SOX5: variants seen among roughly 807,000 people sequenced by gnomAD.
SOX5 encodes SRY-box transcription factor 5.
In SOX5, 9 loss-of-function variants were observed where a neutral mutation model predicts 92.0. The ratio of observed to expected loss-of-function variants is 0.10; its 90% CI spans 0.06 to 0.17. The LOEUF (loss-of-function observed/expected upper bound fraction) is 0.17, where lower values mean the gene tolerates loss of function less well. Ranked by LOEUF, SOX5 falls within the 10% of genes least tolerant of loss-of-function variation. The pLI is 1.00. For synonymous variants in SOX5, 344 were observed against 336.3 expected (o/e 1.02, Z -0.25); for missense variants, 642 against 944.5 (o/e 0.68, Z 4.20).
chr12:24,176,557 G>A (rs1313118530), intron 4 of SOX5, among the ~76,000 whole-genome samples: 1 of 152,174 alleles, frequency 6.6e-6, no homozygotes, highest in Admixed American at 6.5e-5. Context: ...CCGCTACAAT[G>A]AGCAAATTGC....
At chr12:24,325,608 A>G (rs1950605210) in intron 2 of SOX5, among the ~76,000 whole-genome samples, 1 of 152,206 alleles carries the variant, frequency 6.6e-6, no homozygotes, top group Admixed American at 6.5e-5. Context: ...AACAGTAAAG[A>G]ATAACTTTAT....
At chr12:23,846,571 G>A (rs2096577661) in intron 2 of SOX5, among the ~76,000 whole-genome samples, 1 of 152,122 alleles carries the variant, frequency 6.6e-6, no homozygotes, top group African/African-American at 2.4e-5. Flanking sequence ...TTGTTTGAGA[G>A]CCTCAGATTT....
At chr12:24,355,891 G>A (rs1249022894) in intron 2 of SOX5, among the ~76,000 whole-genome samples, 1 of 152,080 alleles carries the variant, frequency 6.6e-6, no homozygotes, top group Non-Finnish European at 1.5e-5. Flanking sequence ...TAGAAATTTA[G>A]AATAGTTTAG....
intron 1 of SOX5, among the ~76,000 whole-genome samples, chr12:24,432,610 G>A (rs111323807): frequency 0.014 from 2,125 of 152,148 alleles, 17 homozygotes; most frequent in Non-Finnish European, 0.023. Flanking sequence ...TCAGGAGATC[G>A]AGACCATCCT....
At position 24,188,987 on chromosome 12, in the gene SOX5, G is replaced by A. The variant is rs144102795; in HGVS notation, c.-2+24356C>T. ...CATTACCTTCAGTGATCATGTCCAA[G>A]ATATATTCCACCAGAAAACACTACC... On this transcript the variant is annotated intron_variant, in intron 4 of 4. Coordinates refer to the SOX5 transcript ENST00000446891. 9.2e-5 allele frequency among the ~76,000 whole-genome samples: 14 copies of A among 152,272 alleles called. No homozygotes were observed. In the East Asian group the frequency reaches 2.1e-3, roughly 23 times the overall value.
intron 1 of SOX5, among the ~76,000 whole-genome samples, chr12:24,377,865 C>T (rs935248447): frequency 3.9e-5 from 6 of 152,136 alleles, no homozygotes; most frequent in African/African-American, 1.2e-4. Flanking sequence ...TTCATTATTA[C>T]CACAATAGCA....
intron 4 of SOX5, among the ~76,000 whole-genome samples, chr12:24,152,126 C>A (rs1460249739): frequency 1.3e-5 from 2 of 152,100 alleles, no homozygotes; most frequent in African/African-American, 2.4e-5. Context: ...TATCTCAAAT[C>A]TTTATGAAAT....
At chr12:23,687,757 T>C (rs146377960) in intron 6 of SOX5, among the ~76,000 whole-genome samples, 5 of 152,128 alleles carry the variant, frequency 3.3e-5, no homozygotes, top group African/African-American at 1.2e-4. Flanking sequence ...CAATCTATAA[T>C]AATTGAAAAA....
At chr12:24,307,517 G>GTTAGTTT (rs1595425741) in intron 2 of SOX5, among the ~76,000 whole-genome samples, 4 of 27,502 alleles carry the variant, frequency 1.5e-4, no homozygotes, top group African/African-American at 2.6e-4. Context: ...AAGGAAGGAA[G>GTTAGTTT]GCCGGCCCCC....
At chr12:24,241,953 A>AAAAAAT (rs1965638176) in intron 3 of SOX5, among the ~76,000 whole-genome samples, 2 of 152,182 alleles carry the variant, frequency 1.3e-5, no homozygotes, top group Non-Finnish European at 2.9e-5. Flanking sequence ...TTAGAAACTA[A>AAAAAAT]AAAAATAAAA....
chr12:23,904,095 T>C (rs543843930), intron 1 of SOX5, among the ~76,000 whole-genome samples: 6 of 152,352 alleles, frequency 3.9e-5, no homozygotes, highest in Admixed American at 2.6e-4. Flanking sequence ...TTTGAACATC[T>C]TTATTTTTCT....
At chr12:23,612,037 T>C (rs77951337) in intron 8 of SOX5, among the ~76,000 whole-genome samples, 6,175 of 152,186 alleles carry the variant, frequency 0.041, 295 homozygotes, top group South Asian at 0.18. Context: ...ACTGTTATTA[T>C]CTGAATGGAG....
intron 8 of SOX5, among the ~76,000 whole-genome samples, chr12:23,633,488 G>C (rs1004331046): frequency 2.0e-5 from 3 of 152,066 alleles, no homozygotes; most frequent in African/African-American, 7.2e-5. Flanking sequence ...AATGAACATA[G>C]ATAAGTAAGC....
intron 3 of SOX5, among the ~76,000 whole-genome samples, chr12:23,831,514 A>G (rs111592523): frequency 0.011 from 1,629 of 152,194 alleles, 36 homozygotes; most frequent in African/African-American, 0.037. Flanking sequence ...ACAACGGTCT[A>G]TAGTCTATAG....
intron 4 of SOX5, among the ~76,000 whole-genome samples, chr12:23,993,912 T>TATGCATGC (rs1209945179): frequency 3.4e-5 from 5 of 148,338 alleles, no homozygotes; most frequent in African/African-American, 9.9e-5. Flanking sequence ...TGTATGTATG[T>TATGCATGC]ATGCATGTAT....
chr12:23,546,011 G>A (rs993116672), intron 12 of SOX5, among the ~76,000 whole-genome samples: 17 of 152,066 alleles, frequency 1.1e-4, no homozygotes, highest in Non-Finnish European at 2.1e-4. Context: ...ATGCCATCTC[G>A]AATTTAATTC....
At chr12:23,683,311 T>C (rs2086936842) in intron 6 of SOX5, among the ~76,000 whole-genome samples, 1 of 151,866 alleles carries the variant, frequency 6.6e-6, no homozygotes, top group Non-Finnish European at 1.5e-5. Flanking sequence ...GTACATTCCA[T>C]TTTATATTTT....
chr12:23,960,309 C>T (rs1569273358), intron 4 of SOX5, among the ~76,000 whole-genome samples: 1 of 151,900 alleles, frequency 6.6e-6, no homozygotes, highest in Admixed American at 6.6e-5. Flanking sequence ...AAGTGGCACT[C>T]TTATATATTA....
At chr12:23,541,915 A>T (rs1275624423) in intron 13 of SOX5, among the ~76,000 whole-genome samples, 2 of 152,192 alleles carry the variant, frequency 1.3e-5, no homozygotes, top group African/African-American at 2.4e-5. Flanking sequence ...CTTCGAGGCC[A>T]GCCTGGCCAA....
Sources: gnomAD v4.1 joint callset for allele counts (sites outside exome capture counted in the v4.1 genomes callset) on GRCh38, gnomAD v4.1.1 for gene constraint, MANE v1.5 for transcripts, NCBI Gene and HGNC (gene_info 2026-07-23, HGNC 2026-07-21) for gene names.